CEMIP2: variants seen among roughly 807,000 people sequenced by gnomAD.
CEMIP2 encodes cell migration inducing hyaluronidase 2, also known as cell surface hyaluronidase CEMIP2.
A neutral mutation model predicts 146.9 loss-of-function variants in CEMIP2; 79 were observed. The ratio of observed to expected loss-of-function variants is 0.54; its 90% CI spans 0.45 to 0.65. The LOEUF is 0.65. CEMIP2 is among the 30% of genes least tolerant of loss of function. CEMIP2 has a pLI of 0.00. For synonymous variants in CEMIP2, 601 were observed against 606.3 expected (o/e 0.99, Z 0.13); for missense variants, 1,596 against 1,696.2 (o/e 0.94, Z 1.04).
chr9:71,756,506 TCACACACA>T (rs1554689412), intron 1 of CEMIP2, among the ~76,000 whole-genome samples: 1 of 112,496 alleles, frequency 8.9e-6, no homozygotes, highest in African/African-American at 3.4e-5. Context: ...TCTCTCTCTC[TCACACACA>T]CACACACACA....
chr9:71,710,117 C>T (rs1016148661), intron 16 of CEMIP2, among the ~76,000 whole-genome samples: 2 of 152,194 alleles, frequency 1.3e-5, no homozygotes, highest in Non-Finnish European at 2.9e-5. Context: ...ATATTACTAT[C>T]TCGCTCCTCA....
chr9:71,703,212 A>T (rs1822625786), intron 18 of CEMIP2, among the ~76,000 whole-genome samples: 1 of 152,200 alleles, frequency 6.6e-6, no homozygotes, highest in Admixed American at 6.5e-5. Context: ...GGACAGATTT[A>T]GATGACTTTA....
Position 71,712,176 on chromosome 9 carries a change from T to G in CEMIP2, c.2676A>C (p.Pro892=). 6.2e-7 allele frequency: 1 copy of G among 1,614,204 alleles called. No individual in the cohort carries two copies. The highest frequency in any genetic ancestry group is 8.5e-7 in the Non-Finnish European group (1 of 1,180,024). The change falls in exon 16 of 24, where the codon CCA becomes CCC. Residue 892 remains proline, a synonymous_variant. Transcript: ENST00000377044. Reference sequence around the variant, plus strand: ...AGCCAATTGCACTGCTGTACCTATCTGGAGTTGGCACATATTTTTTGAAAG... The same window carrying G: ...AGCCAATTGCACTGCTGTACCTATCGGGAGTTGGCACATATTTTTTGAAAG... The part of the protein sequence containing the change: ...RSTFKKYVPT[P]DRYSSAIGFL...
intron 10 of CEMIP2, among the ~76,000 whole-genome samples, chr9:71,729,067 T>C (rs1271480873): frequency 6.6e-6 from 1 of 151,892 alleles, no homozygotes; most frequent in African/African-American, 2.4e-5. Flanking sequence ...CTCGAACTCC[T>C]GAGCTCAAGC....
chr9:71,739,698 C>T (rs1823860724), intron 5 of CEMIP2, among the ~76,000 whole-genome samples: 1 of 152,194 alleles, frequency 6.6e-6, no homozygotes, highest in South Asian at 2.1e-4. Context: ...CCGTGGGCCA[C>T]ATGTGGCCCA....
chr9:71,684,608 C>G lies in CEMIP2; in HGVS notation c.*589G>C, dbSNP rs949417687. 7 of 152,584 alleles carry G rather than the reference C, an allele frequency of 4.6e-5. No individual in the cohort carries two copies. Among genetic ancestry groups the G allele is most frequent in the Non-Finnish European group, 8.8e-5 (6 of 68,040 alleles). The allele number at this position is 152,584 out of a possible 1,614,324, so 9.5% of individuals were successfully genotyped here. On this transcript the variant is annotated 3_prime_UTR_variant, in exon 24 of 24. Coordinates refer to ENST00000377044, the MANE Select transcript of CEMIP2 (RefSeq NM_013390.3). The stretch of plus-strand genomic sequence containing the variant: ...TTCCTGTTTGAAAGTTTAACCCTTA[C>G]AAGTAATTGATATATAAGTGAATAA...
chr9:71,699,464 A>G, intron 19 of CEMIP2: 1 of 418,286 alleles, frequency 2.4e-6, no homozygotes. Flanking sequence ...AAAAAAAAAA[A>G]AGAAAGAAAG....
At chr9:71,764,213 T>G (rs1380025478) in intron 1 of CEMIP2, among the ~76,000 whole-genome samples, 1 of 152,202 alleles carries the variant, frequency 6.6e-6, no homozygotes, top group Non-Finnish European at 1.5e-5. Context: ...ATTTTTACAC[T>G]TAGTTCCTTA....
At position 71,698,035 on chromosome 9, in the gene CEMIP2, G is replaced by A. The variant is rs201011959; in HGVS notation, c.3547C>T (p.Arg1183Trp). 1.5e-4 allele frequency: 239 copies of A among 1,614,026 alleles called. 1 individual carries two copies. Among genetic ancestry groups the A allele is most frequent in the Middle Eastern group, 8.2e-4 (5 of 6,082 alleles). The stretch of plus-strand genomic sequence containing the variant: ...AGTCCAGTGAGCATGGCCGGCATCC[G>A]CTTGACCACTGACGGCTTTCTGTAG... ...QYYRKPSVVK[R>W]MPAMLTGLCQ... is the part of the protein sequence containing the mutation. The change falls in exon 20 of 24, where the codon CGG becomes TGG. Residue 1183 changes from arginine (R) to tryptophan (W), a missense_variant. Transcript: ENST00000377044.
intron 1 of CEMIP2, among the ~76,000 whole-genome samples, chr9:71,760,018 T>TAAAAAA (rs34841456): frequency 7.0e-6 from 1 of 143,848 alleles, no homozygotes; most frequent in Non-Finnish European, 1.5e-5. Context: ...TAAATTTACT[T>TAAAAAA]AAAAAAAAAA....
intron 2 of CEMIP2, among the ~76,000 whole-genome samples, chr9:71,746,853 A>G (rs1382092544): frequency 2.0e-5 from 3 of 152,212 alleles, no homozygotes; most frequent in African/African-American, 4.8e-5. Context: ...AGACTGAGAA[A>G]CATCACTATC....
chr9:71,729,988 C>A, intron 9 of CEMIP2, 60 bp downstream of exon 9: 4 of 1,613,036 alleles, frequency 2.5e-6, no homozygotes, highest in Non-Finnish European at 3.4e-6. Context: ...TCCCCCAAAA[C>A]CTCTTCCCCA....
At chr9:71,735,868 G>A (rs1470333901) in intron 5 of CEMIP2, among the ~76,000 whole-genome samples, 1 of 152,182 alleles carries the variant, frequency 6.6e-6, no homozygotes, top group African/African-American at 2.4e-5. Context: ...CGATGCCAGA[G>A]GATCACTTGA....
At chr9:71,763,513 G>GT (rs1211055488) in intron 1 of CEMIP2, among the ~76,000 whole-genome samples, 1 of 152,104 alleles carries the variant, frequency 6.6e-6, no homozygotes, top group Non-Finnish European at 1.5e-5. Context: ...CTAACCAGTG[G>GT]TAAAGCCTTA....
At chr9:71,702,823 G>T (rs1371291777) in intron 18 of CEMIP2, among the ~76,000 whole-genome samples, 2 of 152,066 alleles carry the variant, frequency 1.3e-5, no homozygotes, top group African/African-American at 4.8e-5. Context: ...AAACTTCTAG[G>T]CTCAGCATTT....
At chr9:71,711,410 A>AT (rs200572713) in intron 16 of CEMIP2, among the ~76,000 whole-genome samples, 21 of 144,262 alleles carry the variant, frequency 1.5e-4, no homozygotes, top group East Asian at 1.2e-3. Context: ...AAAAAAAAAA[A>AT]TTTTTTTTAA....
At chr9:71,727,952 T>C (rs949627488) in intron 10 of CEMIP2, among the ~76,000 whole-genome samples, 1 of 151,886 alleles carries the variant, frequency 6.6e-6, no homozygotes, top group Admixed American at 6.6e-5. Flanking sequence ...TCCCAGCTAC[T>C]TGGGAGGCTG....
In CEMIP2 at chr9:71,709,466, C is replaced by G. The variant is rs755480306; in HGVS notation, c.2778G>C (p.Leu926=). 1.9e-6 allele frequency: 3 copies of G among 1,614,102 alleles called. No individual in the cohort carries two copies. The change falls in exon 17 of 24, where the codon CTG becomes CTC. Residue 926 remains leucine (L), a synonymous_variant. Transcript: ENST00000377044. Reference sequence around the variant, plus strand: ...GACCAGGCTTTCCAAAAAAGACATTCAGAGAGACCTGACCACAGTGAAAAA... The same window carrying G: ...GACCAGGCTTTCCAAAAAAGACATTGAGAGAGACCTGACCACAGTGAAAAA... ...SLVKFGPHVS[L]NVFFGKPGPW...
At chr9:71,739,468 A>T (rs982236897) in intron 5 of CEMIP2, among the ~76,000 whole-genome samples, 1 of 151,530 alleles carries the variant, frequency 6.6e-6, no homozygotes, top group African/African-American at 2.4e-5. Context: ...CCTGCTAAGA[A>T]ACGCTTCTTA....
Sources: allele counts gnomAD v4.1 joint callset (sites outside exome capture counted in the v4.1 genomes callset), GRCh38; gene constraint gnomAD v4.1.1; transcripts MANE v1.5; gene names NCBI Gene and HGNC (gene_info 2026-07-23, HGNC 2026-07-21).